COMMD7: variants seen among roughly 807,000 people sequenced by gnomAD.
COMMD7 encodes COMM domain-containing protein 7.
A neutral mutation model predicts 34.8 loss-of-function variants in COMMD7; 28 were observed. The ratio of observed to expected loss-of-function variants is 0.80; its 90% CI spans 0.60 to 1.10. The LOEUF (loss-of-function observed/expected upper bound fraction) is 1.10, where lower values mean the gene tolerates loss of function less well. Ranked by LOEUF, COMMD7 falls within the 50% of genes least tolerant of loss-of-function variation. The pLI is 0.00. For missense variants in COMMD7, 211 were observed against 241.6 expected, an observed-to-expected ratio of 0.87 and a Z score of 0.84; for synonymous variants, 80 against 86.4, an observed-to-expected ratio of 0.93 and a Z score of 0.41.
chr20:32,727,097 G>A (rs1313785663), intron 3 of COMMD7, among the ~76,000 whole-genome samples: 1 of 132,910 alleles, frequency 7.5e-6, no homozygotes, highest in Non-Finnish European at 1.6e-5. Flanking sequence ...GCAGGGTGGT[G>A]CACACCTGTG....
chr20:32,728,375 T>C (rs1235127122), intron 1 of COMMD7, among the ~76,000 whole-genome samples: 1 of 152,024 alleles, frequency 6.6e-6, no homozygotes, highest in Non-Finnish European at 1.5e-5. Flanking sequence ...CAGACATGTA[T>C]TGAGAGACTG....
At chr20:32,727,860 C>T in intron 3 of COMMD7, 33 bp downstream of exon 3, 2 of 1,507,838 alleles carry the variant, frequency 1.3e-6, no homozygotes, top group Non-Finnish European at 1.8e-6. Flanking sequence ...AAGTTAATGT[C>T]TCTGGCCACA....
intron 5 of COMMD7, 129 bp from the exon 6 acceptor site, chr20:32,705,033 T>C: frequency 1.5e-6 from 1 of 685,156 alleles, no homozygotes. Flanking sequence ...GTGGGGAGGG[T>C]GCAGAACGAA....
Position 32,728,121 on chromosome 20 carries a change from C to T in COMMD7, c.106G>A (p.Val36Met). ...GAQQFSALTE[V>M]LFHFLTEPKE... ...GGCTCAGTTAGGAAGTGGAAAAGCA[C>T]CTCTGTCAGGGCTGAGAACTGCTGT... is the stretch of plus-strand genomic sequence containing the variant. Residue 36 changes from valine (V) to methionine (M), a missense_variant, in exon 2 of 9, where the codon GTG becomes ATG. Transcript: ENST00000278980. The T allele has an allele frequency of 6.2e-7, 1 of 1,614,076 alleles. No individual in the cohort carries two copies. The highest frequency in any genetic ancestry group is 8.5e-7 in the Non-Finnish European group (1 of 1,180,012).
chr20:32,704,767 C>A (rs775221214), intron 6 of COMMD7, 47 bp downstream of exon 6: 57 of 1,439,472 alleles, frequency 4.0e-5, no homozygotes, highest in Non-Finnish European at 5.2e-5. Context: ...CTCTGCACCC[C>A]AACCCTGTAC....
chr20:32,719,657 A>T (rs63587861), intron 3 of COMMD7, among the ~76,000 whole-genome samples: 116 of 152,268 alleles, frequency 7.6e-4, no homozygotes, highest in African/African-American at 2.3e-3. Flanking sequence ...TCTAAAAAAA[A>T]ATATAATAAA....
Position 32,703,214 on chromosome 20 carries a change from G to A in COMMD7, c.*168C>T. 1 of 566,540 alleles carries A rather than the reference G, an allele frequency of 1.8e-6. No homozygotes were observed. The highest frequency in any genetic ancestry group is 3.1e-6 in the Non-Finnish European group (1 of 321,878). 35.1% of individuals were successfully genotyped at this position (566,540 alleles called of 1,614,324 possible). A position where few individuals can be genotyped will look rare whatever the true frequency, so the allele number is the denominator to read the frequency against. On this transcript the variant is annotated 3_prime_UTR_variant, in exon 9 of 9. Coordinates refer to ENST00000278980, the MANE Select transcript of COMMD7 (RefSeq NM_053041.3). Reference sequence around the variant, plus strand: ...AGGGTAATTGTGTTGGGCTCTTTCAGTACTTAATCCTGCTGTTTTTCAGAA... The same window carrying A: ...AGGGTAATTGTGTTGGGCTCTTTCAATACTTAATCCTGCTGTTTTTCAGAA...
Position 32,725,405 on chromosome 20 carries a change from C to T in COMMD7, c.241+2488G>A, listed in dbSNP as rs1285674454. 1.2e-4 allele frequency among the ~76,000 whole-genome samples: 18 copies of T among 150,240 alleles called. 1 individual carries two copies. The highest frequency in any genetic ancestry group is 9.4e-4 in the Admixed American group (14 of 14,924). ...AGTAAAAGAGGATTTTTACTTTTGACTCTCTATAGCTCTATACTGTGTTTT... is the reference window on the plus strand; with the variant it reads ...AGTAAAAGAGGATTTTTACTTTTGATTCTCTATAGCTCTATACTGTGTTTT... On this transcript the variant is annotated intron_variant, in intron 3 of 8. Transcript: ENST00000278980.
At chr20:32,706,781 CAGTT>C (rs1984110579) in intron 3 of COMMD7, 21 bp from the exon 4 acceptor site, 1 of 1,608,462 alleles carries the variant, frequency 6.2e-7, no homozygotes. Context: ...GGGGAGAAAT[CAGTT>C]AGAAAGGCAG....
chr20:32,705,858 T>C (rs759774817), intron 5 of COMMD7, among the ~76,000 whole-genome samples: 12 of 151,974 alleles, frequency 7.9e-5, no homozygotes, highest in Non-Finnish European at 1.5e-4. Flanking sequence ...TACTGATAGG[T>C]GGTTTGGCCT....
rs930602863 is a variant in COMMD7 at position 32,741,226 on chromosome 20, G to A, written c.84+2082C>T. Among the ~76,000 whole-genome samples the A allele has an allele frequency of 2.6e-5, 4 of 151,868 alleles. No individual in the cohort carries two copies. The South Asian group carries it at 6.2e-4, about 24-fold the overall frequency. Reference sequence around the variant, plus strand: ...AGAAAAAAAAAAATTTTTTTTTAGGGATGGGGGTCTCACTATGCTGCCCAG... The same window carrying A: ...AGAAAAAAAAAAATTTTTTTTTAGGAATGGGGGTCTCACTATGCTGCCCAG... On this transcript the variant is annotated intron_variant, in intron 1 of 8. Transcript: ENST00000278980.
intron 1 of COMMD7, among the ~76,000 whole-genome samples, chr20:32,740,813 CAAAA>C (rs56039232): frequency 1.6e-5 from 2 of 128,306 alleles, no homozygotes. Context: ...GACCCTGCCT[CAAAA>C]AAAAAAAAAA....
At chr20:32,726,000 T>G (rs1023827299) in intron 3 of COMMD7, among the ~76,000 whole-genome samples, 118 of 146,102 alleles carry the variant, frequency 8.1e-4, no homozygotes, top group Middle Eastern at 3.6e-3. Flanking sequence ...GAGGCGGAGG[T>G]TGCAGTAAGC....
chr20:32,707,082 G>A (rs530393160), intron 3 of COMMD7, among the ~76,000 whole-genome samples: 3 of 148,134 alleles, frequency 2.0e-5, no homozygotes, highest in South Asian at 2.2e-4. Context: ...GACCATCCTG[G>A]CTAACATGGT....
rs1448674137 is a variant in COMMD7, at chr20:32,704,429, A to G, written c.477+11T>C. The G allele has an allele frequency of 6.2e-7, 1 of 1,610,248 alleles. No homozygotes were observed. The highest frequency in any genetic ancestry group is 1.1e-5 in the South Asian group (1 of 90,264). On this transcript the variant is annotated intron_variant, in intron 7 of 8. Transcript: ENST00000278980. ...AATCTACCCATTTTCAAGGATCAGG[A>G]GAAGACTTACTTGTAAAAATATACT... is the stretch of plus-strand genomic sequence containing the variant.
intron 3 of COMMD7, among the ~76,000 whole-genome samples, chr20:32,725,876 C>T (rs546248435): frequency 6.6e-6 from 1 of 151,640 alleles, no homozygotes; most frequent in Non-Finnish European, 1.5e-5. Flanking sequence ...CATGGCAAAA[C>T]CCCATCTCTA....
Position 32,743,305 on chromosome 20 carries a change from C to T in COMMD7, c.84+3G>A, listed in dbSNP as rs1269713664. The stretch of plus-strand genomic sequence containing the variant: ...GCGCCCCACGCCCCGCCGCCGGGCC[C>T]ACCTGCGCGCCCAGCTGGTTCAGCT... On this transcript the variant is annotated splice_donor_region_variant and intron_variant, in intron 1 of 8. Transcript: ENST00000278980. The T allele has an allele frequency of 2.0e-6, 3 of 1,517,590 alleles. No homozygotes were observed. The highest frequency in any genetic ancestry group is 1.8e-6 in the Non-Finnish European group (2 of 1,139,110). 94.0% of individuals were successfully genotyped at this position (1,517,590 alleles called of 1,614,324 possible). A position where few individuals can be genotyped will look rare whatever the true frequency, so the allele number is the denominator to read the frequency against.
At chr20:32,742,891 T>G (rs1460244468) in intron 1 of COMMD7, among the ~76,000 whole-genome samples, 1 of 152,056 alleles carries the variant, frequency 6.6e-6, no homozygotes, top group Non-Finnish European at 1.5e-5. Flanking sequence ...CTATCTCCCT[T>G]TGGACCCCAC....
rs527937129 is a variant in COMMD7 at position 32,704,041 on chromosome 20, T to A, written c.508A>T (p.Thr170Ser). Residue 170 changes from threonine (T) to serine (S), a missense_variant, in exon 8 of 9, where the codon ACC (threonine) becomes TCC (serine). Thr to Ser is a moderately conservative substitution (Grantham distance 58). Transcript: ENST00000278980. ...LKLVVKKGNQ[T>S]ENVYIELTLP... ...GACTCACCTATATACACATTTTCGG[T>A]TTGATTTCCTTTCTTAACCACCAAC... is the stretch of plus-strand genomic sequence containing the variant. 35 of 1,610,252 alleles carry A rather than the reference T, an allele frequency of 2.2e-5. No individual in the cohort carries two copies. Among genetic ancestry groups the A allele is most frequent in the Non-Finnish European group, 2.7e-5 (32 of 1,178,290 alleles).
Sources: gnomAD v4.1 joint callset for allele counts (sites outside exome capture counted in the v4.1 genomes callset) on GRCh38, gnomAD v4.1.1 for gene constraint, MANE v1.5 for transcripts, NCBI Gene and HGNC (gene_info 2026-07-23, HGNC 2026-07-21) for gene names.